PFKFB4: variants seen among roughly 807,000 people sequenced by gnomAD.
The protein encoded by PFKFB4 is 6-phosphofructo-2-kinase/fructose-2,6-bisphosphatase 4.
A neutral mutation model predicts 62.8 loss-of-function variants in PFKFB4; 42 were observed. The observed-to-expected ratio is 0.67, with a 90% confidence interval of 0.52 to 0.86. PFKFB4 has a LOEUF of 0.86. PFKFB4 is among the 40% of genes least tolerant of loss of function. The pLI, the probability that PFKFB4 is intolerant of heterozygous loss-of-function variation, is 0.00. For missense variants in PFKFB4, 475 were observed against 627.2 expected, an observed-to-expected ratio of 0.76 and a Z score of 2.59; for synonymous variants, 204 against 240.7, an observed-to-expected ratio of 0.85 and a Z score of 1.41.
chr3:48,550,039 A>G (rs1197334993), intron 2 of PFKFB4, 79 bp from the exon 3 acceptor site: 1 of 1,417,396 alleles, frequency 7.1e-7, no homozygotes, highest in East Asian at 2.3e-5. Context: ...CCCAGGCCAA[A>G]TAATAGAGAA....
intron 9 of PFKFB4, among the ~76,000 whole-genome samples, chr3:48,528,770 CATA>C (rs2042342115): frequency 6.6e-6 from 1 of 152,120 alleles, no homozygotes; most frequent in East Asian, 1.9e-4. Context: ...TGAATGGATA[CATA>C]ATGTGTGGTA....
chr3:48,562,445 C>T (rs567448754), upstream of PFKFB4: 2 of 323,956 alleles, frequency 6.2e-6, no homozygotes, highest in South Asian at 7.4e-5. The surrounding 1 kb of genome is among the most constrained non-coding windows in gnomAD (Gnocchi z 4.3). Flanking sequence ...TAGCAAGACT[C>T]GCCACAGCAG....
At chr3:48,546,167 C>T (rs2042957658) in intron 3 of PFKFB4, among the ~76,000 whole-genome samples, 1 of 152,082 alleles carries the variant, frequency 6.6e-6, no homozygotes, top group African/African-American at 2.4e-5. Context: ...TCCCTGGGCC[C>T]ATGTATGAGC....
intron 7 of PFKFB4, among the ~76,000 whole-genome samples, chr3:48,537,383 G>C (rs535603015): frequency 6.6e-6 from 1 of 152,190 alleles, no homozygotes; most frequent in South Asian, 2.1e-4. Flanking sequence ...CCATAGAGAG[G>C]CCCAGGTGGC....
chr3:48,526,423 A>T (rs145538565), intron 9 of PFKFB4, among the ~76,000 whole-genome samples: 2 of 151,246 alleles, frequency 1.3e-5, no homozygotes, highest in African/African-American at 4.9e-5. Context: ...AAATACAAAA[A>T]TTAGTTGGGC....
intron 9 of PFKFB4, among the ~76,000 whole-genome samples, chr3:48,526,529 C>T (rs1372909927): frequency 6.3e-5 from 9 of 142,620 alleles, no homozygotes; most frequent in African/African-American, 7.9e-5. Context: ...GCCAAGATTA[C>T]GCCACTGCAC....
At chr3:48,525,810 G>T (rs2042239513) in intron 9 of PFKFB4, 141 bp from the exon 10 acceptor site, 2 of 477,682 alleles carry the variant, frequency 4.2e-6, no homozygotes, top group African/African-American at 2.0e-5. Flanking sequence ...CCTGTCTAAG[G>T]AGGGGAGGAC....
At chr3:48,527,909 G>A (rs569009059) in intron 9 of PFKFB4, among the ~76,000 whole-genome samples, 162 of 151,968 alleles carry the variant, frequency 1.1e-3, no homozygotes, top group Non-Finnish European at 1.5e-3. Flanking sequence ...GGCTGGTCTC[G>A]AACTCCTGGC....
upstream of PFKFB4, chr3:48,556,974 C>T: frequency 7.2e-7 from 1 of 1,390,458 alleles, no homozygotes; most frequent in Non-Finnish European, 9.3e-7. The surrounding 1 kb of genome is among the most constrained non-coding windows in gnomAD (Gnocchi z 5.7). Context: ...CCACGCATGC[C>T]CAACTCACCT....
chr3:48,536,875 T>G (rs1388917093), intron 7 of PFKFB4: 1 of 178,984 alleles, frequency 5.6e-6, no homozygotes, highest in Admixed American at 5.5e-5. Context: ...TGGGAGTAGC[T>G]GGCAAACGCT....
In PFKFB4 at chr3:48,556,628, T is replaced by C; in HGVS notation, c.97+53A>G. 58 of 711,956 alleles carry C rather than the reference T, an allele frequency of 8.1e-5. No homozygotes were observed. Among genetic ancestry groups the C allele is most frequent in the Non-Finnish European group, 1.1e-4 (52 of 453,374 alleles). 44.1% of individuals were successfully genotyped at this position (711,956 alleles called of 1,614,324 possible). On this transcript the variant is annotated intron_variant, in intron 1 of 13. Coordinates refer to ENST00000232375, the MANE Select transcript of PFKFB4 (RefSeq NM_004567.4). This position sits in a 1 kb window ranked among gnomAD's most constrained non-coding sequence, Gnocchi z 5.7. ...TGCGAGACCCCCGCCCAGGCCGCCC[T>C]ACCCACCCATCCCGGTGCACCTCCC...
chr3:48,550,759 A>G (rs947265686), intron 1 of PFKFB4, among the ~76,000 whole-genome samples: 5 of 152,074 alleles, frequency 3.3e-5, no homozygotes, highest in Admixed American at 2.0e-4. Flanking sequence ...CACTTCCTCA[A>G]TGAGTCCTTT....
At chr3:48,536,550 G>A (rs1460009362) in intron 7 of PFKFB4, 87 bp from the exon 8 acceptor site, 8 of 1,041,124 alleles carry the variant, frequency 7.7e-6, no homozygotes, top group Middle Eastern at 2.9e-4. Flanking sequence ...ATCTAGCTGC[G>A]AGGCCTTGCA....
chr3:48,547,833 G>A (rs1438233259), intron 3 of PFKFB4: 1 of 152,210 alleles, frequency 6.6e-6, no homozygotes, highest in Non-Finnish European at 1.5e-5. Flanking sequence ...CCTCAACACT[G>A]TGTGAGTAAC....
At position 48,538,506 on chromosome 3, in the gene PFKFB4, G is replaced by A; in HGVS notation, c.624C>T (p.Asp208=). 4 of 1,613,990 alleles carry A rather than the reference G, an allele frequency of 2.5e-6. No homozygotes were observed. The highest frequency in any genetic ancestry group is 3.4e-6 in the Non-Finnish European group (4 of 1,180,014). The change falls in exon 7 of 14, where the codon GAC becomes GAT. Residue 208 remains aspartate, a synonymous_variant. Transcript: ENST00000232375. The stretch of plus-strand genomic sequence containing the variant: ...GCGCTGCCCTGACTCACCTATCCAG[G>A]TCCTCATCTAGCGACTCGTAGGAGT... ...YENSYESLDE[D]LDRDLSYIKI...
At chr3:48,520,430 CTGTCT>C (rs1281099544) in intron 13 of PFKFB4, among the ~76,000 whole-genome samples, 4 of 152,172 alleles carry the variant, frequency 2.6e-5, no homozygotes, top group African/African-American at 7.2e-5. Flanking sequence ...CTCTCTGAGG[CTGTCT>C]TATGTGCCCC....
chr3:48,535,490 G>C (rs767857413), intron 9 of PFKFB4, 22 bp downstream of exon 9: 2 of 1,601,372 alleles, frequency 1.2e-6, no homozygotes, highest in African/African-American at 2.7e-5. Context: ...GAGGTAGACA[G>C]GGAGGGAGGG....
chr3:48,557,690 C>T (rs1294398617), upstream of PFKFB4, among the ~76,000 whole-genome samples: 1 of 152,134 alleles, frequency 6.6e-6, no homozygotes, highest in Non-Finnish European at 1.5e-5. Flanking sequence ...GCGCCCACCA[C>T]CACGCCCTGC....
At position 48,523,615 on chromosome 3, in the gene PFKFB4, G is replaced by A. The variant is rs2042164977; in HGVS notation, c.1223-16C>T. ...GGCAGCTGTTCTGTAGACACAGAGGGGGATGGCTAGCACACCAGAAATGCC... is the reference window on the plus strand; with the variant it reads ...GGCAGCTGTTCTGTAGACACAGAGGAGGATGGCTAGCACACCAGAAATGCC... On this transcript the variant is annotated splice_polypyrimidine_tract_variant and intron_variant, in intron 11 of 13. Coordinates refer to ENST00000232375, the MANE Select transcript of PFKFB4 (RefSeq NM_004567.4). 6.2e-7 allele frequency: 1 copy of A among 1,614,104 alleles called. No homozygotes were observed. Among genetic ancestry groups the A allele is most frequent in the Non-Finnish European group, 8.5e-7 (1 of 1,179,990 alleles).
Sources: allele counts gnomAD v4.1 joint callset (sites outside exome capture counted in the v4.1 genomes callset), GRCh38; gene constraint gnomAD v4.1.1; non-coding constraint Gnocchi (gnomAD v3.1); transcripts MANE v1.5; gene names NCBI Gene and HGNC (gene_info 2026-07-23, HGNC 2026-07-21).